MYO1E: variants seen among roughly 807,000 people sequenced by gnomAD.
MYO1E encodes the protein myosin IE.
Under a neutral mutation model 151.1 loss-of-function variants are expected in MYO1E, and 68 were observed. The observed-to-expected ratio is 0.45, with a 90% CI of 0.37 to 0.55. The LOEUF (loss-of-function observed/expected upper bound fraction) is 0.55, where lower values mean the gene tolerates loss of function less well. MYO1E is among the 20% of genes least tolerant of loss of function. The pLI is 0.00. For missense variants in MYO1E, 1,363 were observed against 1,389.3 expected, an observed-to-expected ratio of 0.98 and a Z score of 0.30; for synonymous variants, 601 against 501.7, an observed-to-expected ratio of 1.20 and a Z score of -2.64.
intron 10 of MYO1E, among the ~76,000 whole-genome samples, chr15:59,215,799 AAAGGTAGGTAGG>A (rs1173294734): frequency 1.3e-5 from 2 of 152,166 alleles, no homozygotes; most frequent in Non-Finnish European, 2.9e-5. Context: ...TGACAGGTAG[AAAGGTAGGTAGG>A]AAGCCCAGCG....
chr15:59,312,041 C>A (rs1289651166), intron 1 of MYO1E, among the ~76,000 whole-genome samples: 2 of 152,166 alleles, frequency 1.3e-5, no homozygotes, highest in Non-Finnish European at 2.9e-5. Flanking sequence ...TGGTATTCAG[C>A]TATAGCAAAC....
chr15:59,321,930 T>C (rs554436696), intron 1 of MYO1E, among the ~76,000 whole-genome samples: 2 of 152,096 alleles, frequency 1.3e-5, no homozygotes, highest in East Asian at 3.9e-4. Context: ...CCCAGCACTT[T>C]GGGGAGGCCA....
At chr15:59,202,087 C>T (rs1316759630) in intron 16 of MYO1E, among the ~76,000 whole-genome samples, 1 of 152,188 alleles carries the variant, frequency 6.6e-6, no homozygotes, top group African/African-American at 2.4e-5. Context: ...AGCTGATTAT[C>T]ATCTGCTGAC....
At chr15:59,258,266 G>C (rs894953200) in intron 3 of MYO1E, among the ~76,000 whole-genome samples, 20 of 152,348 alleles carry the variant, frequency 1.3e-4, no homozygotes, top group African/African-American at 4.8e-4. Flanking sequence ...AGAATTGCTT[G>C]AATCCAGGAG....
chr15:59,168,278 G>A (rs1222954994), intron 22 of MYO1E, among the ~76,000 whole-genome samples: 1 of 152,160 alleles, frequency 6.6e-6, no homozygotes, highest in Non-Finnish European at 1.5e-5. Context: ...CAGGTGCAGT[G>A]GCTCATGCCT....
At chr15:59,265,125 A>C (rs1176165173) in intron 2 of MYO1E, 1 of 152,252 alleles carries the variant, frequency 6.6e-6, no homozygotes, top group Non-Finnish European at 1.5e-5. Context: ...ACTTCAGAAG[A>C]GGAAGATGTT....
rs557876319 is a variant in MYO1E, at chr15:59,143,921, C to T, written c.3081-5554G>A. Among the ~76,000 whole-genome samples, 3 of 152,312 alleles carry T rather than the reference C, an allele frequency of 2.0e-5. No homozygotes were observed. In the South Asian group the frequency reaches 6.2e-4, roughly 32 times the overall value. The stretch of plus-strand genomic sequence containing the variant: ...ATACTCTGGCAAACCCCCGGCCATA[C>T]CCTCTCCTAGCCCACGGCTTCTCCA... On this transcript the variant is annotated intron_variant, in intron 26 of 27. Transcript: ENST00000288235.
At chr15:59,362,346 T>C (rs1567025237) in intron 1 of MYO1E, among the ~76,000 whole-genome samples, 1 of 152,228 alleles carries the variant, frequency 6.6e-6, no homozygotes, top group African/African-American at 2.4e-5. Flanking sequence ...ACAAGCCACA[T>C]GTATTTCTCT....
intron 1 of MYO1E, among the ~76,000 whole-genome samples, chr15:59,283,101 A>G (rs1275321829): frequency 1.3e-5 from 2 of 150,852 alleles, no homozygotes; most frequent in African/African-American, 2.4e-5. Flanking sequence ...ACGGGCGGTC[A>G]GAGGACAGTG....
In MYO1E at chr15:59,264,268, G is replaced by A. The variant is rs140972121; in HGVS notation, c.148-2759C>T. The stretch of plus-strand genomic sequence containing the variant: ...AGCCTGTACAGGGAAACTGAGGCAC[G>A]GAGAAATTTTTAAAAGTTGCTTAAG... On this transcript the variant is annotated intron_variant, in intron 2 of 27. Transcript: ENST00000288235. Among the ~76,000 whole-genome samples the A allele has an allele frequency of 3.0e-3, 462 of 152,270 alleles. 1 individual carries two copies. Among genetic ancestry groups the A allele is most frequent in the Non-Finnish European group, 5.0e-3 (342 of 68,018 alleles).
At chr15:59,309,311 A>C (rs201008257) in intron 1 of MYO1E, among the ~76,000 whole-genome samples, 1 of 152,208 alleles carries the variant, frequency 6.6e-6, no homozygotes, top group Non-Finnish European at 1.5e-5. Context: ...TGAAGCTTCC[A>C]TAAGTTAAGT....
At chr15:59,227,734 C>T in intron 6 of MYO1E, 144 bp from the exon 7 acceptor site, 1 of 1,142,484 alleles carries the variant, frequency 8.8e-7, no homozygotes, top group East Asian at 2.5e-5. Flanking sequence ...TCTAGACTTC[C>T]TTAGTTTTCA....
intron 1 of MYO1E, among the ~76,000 whole-genome samples, chr15:59,288,482 C>G (rs1210998087): frequency 6.6e-6 from 1 of 152,160 alleles, no homozygotes; most frequent in African/African-American, 2.4e-5. Context: ...CAGCCCCGTT[C>G]AGTGCTTTTG....
At chr15:59,282,792 G>C (rs1193802768) in intron 1 of MYO1E, among the ~76,000 whole-genome samples, 1 of 144,776 alleles carries the variant, frequency 6.9e-6, no homozygotes, top group Non-Finnish European at 1.5e-5. Context: ...AGGCTGCAGT[G>C]AGCCGTGACT....
intron 15 of MYO1E, among the ~76,000 whole-genome samples, chr15:59,202,884 T>C (rs1351759166): frequency 6.6e-6 from 1 of 151,988 alleles, no homozygotes; most frequent in Non-Finnish European, 1.5e-5. Flanking sequence ...TGGCACTATA[T>C]ATAGGCAGAC....
At chr15:59,276,871 G>GAA (rs1467427052) in intron 1 of MYO1E, among the ~76,000 whole-genome samples, 1 of 152,198 alleles carries the variant, frequency 6.6e-6, no homozygotes, top group Non-Finnish European at 1.5e-5. Context: ...ATTCTCTCCT[G>GAA]AAAGTCCACC....
chr15:59,174,374 G>A (rs909367866), intron 19 of MYO1E, 134 bp from the exon 20 acceptor site: 6 of 715,926 alleles, frequency 8.4e-6, no homozygotes, highest in Middle Eastern at 4.7e-4. Context: ...ATTCATGAAC[G>A]AATATGTGAA....
At chr15:59,353,396 AAAAAAAG>A (rs2140436270) in intron 1 of MYO1E, among the ~76,000 whole-genome samples, 1 of 150,372 alleles carries the variant, frequency 6.7e-6, no homozygotes, top group East Asian at 1.9e-4. Flanking sequence ...AAAGAAAAGA[AAAAAAAG>A]AAAAAAAAAT....
chr15:59,139,500 C>CACA (rs1555406272), intron 26 of MYO1E, among the ~76,000 whole-genome samples: 2 of 137,914 alleles, frequency 1.5e-5, no homozygotes, highest in Non-Finnish European at 1.5e-5. Flanking sequence ...TTCCCACCCC[C>CACA]TTATTACTCT....
Sources: allele counts gnomAD v4.1 joint callset (sites outside exome capture counted in the v4.1 genomes callset), GRCh38; gene constraint gnomAD v4.1.1; transcripts MANE v1.5; gene names NCBI Gene and HGNC (gene_info 2026-07-23, HGNC 2026-07-21).